THADA: variants seen among roughly 807,000 people sequenced by gnomAD.
THADA encodes the protein tRNA (32-2'-O)-methyltransferase regulator THADA.
Under a neutral mutation model 219.8 loss-of-function variants are expected in THADA, and 213 were observed. The ratio of observed to expected loss-of-function variants is 0.97; its 90% CI spans 0.87 to 1.09. The LOEUF (loss-of-function observed/expected upper bound fraction) is 1.09, where lower values mean the gene tolerates loss of function less well. THADA is among the 50% of genes least tolerant of loss of function. THADA has a pLI of 0.00. For synonymous variants in THADA, 1,018 were observed against 828.9 expected (o/e 1.23, Z -3.92); for missense variants, 2,956 against 2,311.3 (o/e 1.28, Z -5.72).
At chr2:43,492,494 A>AT (rs1687767523) in intron 25 of THADA, among the ~76,000 whole-genome samples, 1 of 152,172 alleles carries the variant, frequency 6.6e-6, no homozygotes, top group African/African-American at 2.4e-5. Flanking sequence ...ACAGCCTACT[A>AT]TGTGCAATTG....
At chr2:43,231,985 A>G (rs1667479841) in intron 37 of THADA, among the ~76,000 whole-genome samples, 1 of 148,136 alleles carries the variant, frequency 6.8e-6, no homozygotes, top group African/African-American at 2.6e-5. Context: ...CCTATCTGTG[A>G]CTGCACCCAC....
At chr2:43,587,432 C>G (rs988646133) in intron 4 of THADA, among the ~76,000 whole-genome samples, 3 of 152,136 alleles carry the variant, frequency 2.0e-5, no homozygotes, top group African/African-American at 7.2e-5. Flanking sequence ...GCATCTATCA[C>G]AATCCTGACC....
In THADA at chr2:43,292,852, G is replaced by A. The variant is rs1363140113; in HGVS notation, c.4800C>T (p.His1600=). 3 of 1,613,074 alleles carry A rather than the reference G, an allele frequency of 1.9e-6. No individual in the cohort carries two copies. The highest frequency in any genetic ancestry group is 2.2e-5 in the East Asian group (1 of 44,886). ...KFLLLAMKEN[H]PECFCKILKI... The stretch of plus-strand genomic sequence containing the variant: ...ACTTTACCTTGCAGAAGCATTCTGG[G>A]TGATTTTCCTTCATGGCCAACAATA... The change falls in exon 32 of 38, where the codon CAC becomes CAT. Residue 1600 remains histidine (H), a synonymous_variant. Transcript: ENST00000405975.
At chr2:43,571,071 C>T (rs1353565846) in intron 13 of THADA, among the ~76,000 whole-genome samples, 1 of 152,018 alleles carries the variant, frequency 6.6e-6, no homozygotes, top group Middle Eastern at 3.2e-3. Flanking sequence ...GCCTGGGTAA[C>T]AGAGCAAGAC....
Position 43,294,747 on chromosome 2 carries a change from C to T in THADA, c.4439-1534G>A, listed in dbSNP as rs1009322546. On this transcript the variant is annotated intron_variant, in intron 31 of 37. Coordinates refer to ENST00000405975, the MANE Select transcript of THADA (RefSeq NM_022065.5). ...CGTAGTCCAGGAGAGAAATAAATGA[C>T]GAGGGCCTTAAGTTCAGAAGGAATC... is the stretch of plus-strand genomic sequence containing the variant. Among the ~76,000 whole-genome samples the T allele has an allele frequency of 6.1e-4, 92 of 151,858 alleles. 1 individual carries two copies. Among genetic ancestry groups the T allele is most frequent in the African/African-American group, 2.1e-3 (86 of 41,376 alleles).
intron 36 of THADA, among the ~76,000 whole-genome samples, chr2:43,273,401 G>C (rs1409762030): frequency 6.6e-6 from 1 of 152,090 alleles, no homozygotes; most frequent in Non-Finnish European, 1.5e-5. Context: ...ACTTTTTTGG[G>C]TCATTCTTCT....
At position 43,261,420 on chromosome 2, in the gene THADA, C is replaced by T. The variant is rs184421556; in HGVS notation, c.5296+18345G>A. 4.4e-3 allele frequency among the ~76,000 whole-genome samples: 662 copies of T among 150,828 alleles called. 6 individuals are homozygous for T. The highest frequency in any genetic ancestry group is 0.015 in the African/African-American group (601 of 41,048). ...TGTATTTTTAGTAGAGATGGGGTTT[C>T]GCCATGTTGCCTGGTTTGTGCTTTT... On this transcript the variant is annotated intron_variant, in intron 36 of 37. Transcript: ENST00000405975.
At chr2:43,361,944 T>C (rs535330469) in intron 29 of THADA, among the ~76,000 whole-genome samples, 1 of 152,360 alleles carries the variant, frequency 6.6e-6, no homozygotes, top group South Asian at 2.1e-4. Flanking sequence ...ATTCTTGATA[T>C]TCTTTCCAAC....
At chr2:43,381,083 G>C (rs1671960136) in intron 29 of THADA, among the ~76,000 whole-genome samples, 4 of 123,212 alleles carry the variant, frequency 3.2e-5, no homozygotes, top group Admixed American at 1.9e-4. Flanking sequence ...GGGCGAGACA[G>C]AGCGAGACTT....
chr2:43,290,407 C>G (rs1674557235), intron 34 of THADA, among the ~76,000 whole-genome samples: 1 of 151,908 alleles, frequency 6.6e-6, no homozygotes, highest in African/African-American at 2.4e-5. Flanking sequence ...CCTGGCTTGC[C>G]TTTGAGTGAC....
At chr2:43,280,687 C>T (rs1673243366) in intron 35 of THADA, among the ~76,000 whole-genome samples, 1 of 152,020 alleles carries the variant, frequency 6.6e-6, no homozygotes, top group Admixed American at 6.6e-5. Flanking sequence ...AAAAAGAGAC[C>T]CATGATAAAG....
intron 31 of THADA, among the ~76,000 whole-genome samples, chr2:43,308,295 A>G (rs1677087082): frequency 6.6e-6 from 1 of 152,246 alleles, no homozygotes; most frequent in Admixed American, 6.5e-5. Context: ...AGATTAAAAA[A>G]AAAGAATGAG....
chr2:43,246,249 C>T (rs1283916589), intron 36 of THADA, among the ~76,000 whole-genome samples: 2 of 152,164 alleles, frequency 1.3e-5, no homozygotes, highest in African/African-American at 4.8e-5. Context: ...AATCCCAGCA[C>T]TTTGGGAGGC....
At chr2:43,381,583 C>CT (rs758714440) in intron 29 of THADA, among the ~76,000 whole-genome samples, 410 of 141,246 alleles carry the variant, frequency 2.9e-3, no homozygotes, top group Non-Finnish European at 2.5e-3. Context: ...AGTGATAAGT[C>CT]TTTTTTTTTT....
At position 43,403,988 on chromosome 2, in the gene THADA, C is replaced by T. The variant is rs144848092; in HGVS notation, c.4059-5849G>A. 1.9e-3 allele frequency among the ~76,000 whole-genome samples: 296 copies of T among 152,318 alleles called. 1 individual carries two copies. Among genetic ancestry groups the T allele is most frequent in the Non-Finnish European group, 3.6e-3 (243 of 68,024 alleles). On this transcript the variant is annotated intron_variant, in intron 28 of 37. Coordinates refer to ENST00000405975, the MANE Select transcript of THADA (RefSeq NM_022065.5). ...CTATTTAATAGGCCATCTCTAAAGG[C>T]TGGGTGACACACAGCAGGCTGAAGC...
At chr2:43,241,985 C>T (rs1171650346) in intron 36 of THADA, among the ~76,000 whole-genome samples, 1 of 152,226 alleles carries the variant, frequency 6.6e-6, no homozygotes, top group Admixed American at 6.5e-5. Flanking sequence ...ACTCTCTTGG[C>T]TTTGATTCAC....
intron 20 of THADA, among the ~76,000 whole-genome samples, chr2:43,548,674 G>A (rs1026377133): frequency 6.6e-6 from 1 of 152,234 alleles, no homozygotes; most frequent in African/African-American, 2.4e-5. Flanking sequence ...CTCTGAGCCA[G>A]GTGCGGGATA....
chr2:43,292,851 G>A lies in THADA; in HGVS notation c.4801C>T (p.Pro1601Ser). The A allele has an allele frequency of 1.2e-6, 2 of 1,612,978 alleles. No individual in the cohort carries two copies. The highest frequency in any genetic ancestry group is 1.7e-6 in the Non-Finnish European group (2 of 1,179,836). Residue 1601 changes from proline to serine, a missense_variant, in exon 32 of 38, where the codon CCA becomes TCA. Physicochemically the swap from Pro to Ser is moderately conservative, Grantham distance 74 (BLOSUM62 -1). Coordinates refer to ENST00000405975, the MANE Select transcript of THADA (RefSeq NM_022065.5). ...FLLLAMKENH[P>S]ECFCKILKIL... ...GACTTTACCTTGCAGAAGCATTCTG[G>A]GTGATTTTCCTTCATGGCCAACAAT...
chr2:43,258,354 C>A (rs996718959), intron 36 of THADA, among the ~76,000 whole-genome samples: 1 of 151,964 alleles, frequency 6.6e-6, no homozygotes. Context: ...GAAACCCTGT[C>A]TCTACTAAAA....
Sources: allele counts gnomAD v4.1 joint callset (sites outside exome capture counted in the v4.1 genomes callset), GRCh38; gene constraint gnomAD v4.1.1; transcripts MANE v1.5; gene names NCBI Gene and HGNC (gene_info 2026-07-23, HGNC 2026-07-21).